The following ZFAT variants were observed in gnomAD, a reference collection of about 807,000 sequenced individuals.
ZFAT encodes zinc finger and AT-hook domain containing, also known as zinc finger protein ZFAT.
Under a neutral mutation model 117.7 loss-of-function variants are expected in ZFAT, and 64 were observed. That is an observed-to-expected ratio of 0.54 (90% CI 0.44 to 0.67). The LOEUF is 0.67. Ranked by LOEUF, ZFAT falls within the 30% of genes least tolerant of loss-of-function variation. The probability of loss-of-function intolerance (pLI) is 0.00; values close to 1 mark genes in which losing one functional copy is unlikely to be tolerated. For missense variants in ZFAT, 1,433 were observed against 1,584.5 expected (o/e 0.90, Z 1.62); for synonymous variants, 679 against 615.0 (o/e 1.10, Z -1.54).
intron 3 of ZFAT, among the ~76,000 whole-genome samples, chr8:134,611,128 G>C (rs1407047716): frequency 2.0e-5 from 3 of 152,240 alleles, no homozygotes. Flanking sequence ...CGTGCAGGGG[G>C]AGAGGCAGAC....
At chr8:134,712,590 C>T (rs1489511094) in intron 1 of ZFAT, among the ~76,000 whole-genome samples, 2 of 150,316 alleles carry the variant, frequency 1.3e-5, no homozygotes, top group Admixed American at 6.6e-5. Context: ...TGGAAACGGC[C>T]GGGCGCATGC....
chr8:134,629,741 G>C (rs1004706301), intron 3 of ZFAT, among the ~76,000 whole-genome samples: 2 of 152,190 alleles, frequency 1.3e-5, no homozygotes, highest in East Asian at 3.8e-4. Context: ...AGGCCTCCCA[G>C]TCATGCTTCC....
chr8:134,512,597 G>C lies in ZFAT; in HGVS notation c.3239C>G (p.Ala1080Gly), dbSNP rs762653872. 1.9e-6 allele frequency: 3 copies of C among 1,612,790 alleles called. No individual in the cohort carries two copies. Among genetic ancestry groups the C allele is most frequent in the Admixed American group, 1.7e-5 (1 of 59,726 alleles). ...GGAGGGCTCCTCAGGAGCTTCTGTT[G>C]CTGTCTAAATAAAAACATAGTACCT... ...EIDGDPKWET[A>G]TEAPEEPSTQ... is the part of the protein sequence containing the mutation. The change falls in exon 14 of 16, where the codon GCA becomes GGA. Residue 1080 changes from alanine (A) to glycine (G), a missense_variant. Ala to Gly is a moderately conservative substitution (Grantham distance 60). This residue lies in a region of ZFAT where 503 missense variants were observed against 543.4 expected (regional missense o/e 0.93). Coordinates refer to ENST00000377838, the MANE Select transcript of ZFAT (RefSeq NM_020863.4).
At chr8:134,500,092 G>A (rs74366122) in intron 15 of ZFAT, among the ~76,000 whole-genome samples, 1,601 of 152,308 alleles carry the variant, frequency 0.011, 13 homozygotes, top group Middle Eastern at 0.02. Context: ...CCTCACTCCC[G>A]TCAGGGCTAT....
At chr8:134,803,963 T>TA in the ZFAT span, among the ~76,000 whole-genome samples, 1 of 152,192 alleles carries the variant, frequency 6.6e-6, no homozygotes, top group South Asian at 2.1e-4. Flanking sequence ...ATAAATGATT[T>TA]AAAAAAACCA....
chr8:134,777,970 C>G, the ZFAT span, among the ~76,000 whole-genome samples: 1 of 152,076 alleles, frequency 6.6e-6, no homozygotes, highest in African/African-American at 2.4e-5. Context: ...TTCCAAGGAG[C>G]TATTTCACTG....
chr8:134,667,158 G>A lies in ZFAT; in HGVS notation c.20-9421C>T, dbSNP rs996378041. ...AGGGGCTGGGAGGAAAGGGAAAGGA[G>A]AGCATTAGGACAAAAAGGTAATGCA... On this transcript the variant is annotated intron_variant, in intron 1 of 15. Coordinates refer to ENST00000377838, the MANE Select transcript of ZFAT (RefSeq NM_020863.4). Among the ~76,000 whole-genome samples, 3 of 152,262 alleles carry A rather than the reference G, an allele frequency of 2.0e-5. No individual in the cohort carries two copies. In the East Asian group the frequency reaches 5.8e-4, roughly 29 times the overall value.
chr8:134,819,073 A>C, the ZFAT span, among the ~76,000 whole-genome samples: 2 of 152,240 alleles, frequency 1.3e-5, no homozygotes, highest in African/African-American at 4.8e-5. Flanking sequence ...ATATGTCAAT[A>C]AAATTGTTTC....
intron 2 of ZFAT, among the ~76,000 whole-genome samples, 164 bp downstream of exon 2, chr8:134,657,397 G>A (rs904457849): frequency 1.3e-4 from 20 of 152,166 alleles, no homozygotes; most frequent in Admixed American, 1.3e-3. Context: ...CTAGGTATGG[G>A]ATTTCAAAGG....
At chr8:134,795,584 T>C in the ZFAT span, 2 of 152,106 alleles carry the variant, frequency 1.3e-5, no homozygotes, top group African/African-American at 4.8e-5. Context: ...GAGCTGTAAA[T>C]AAATGGGCCG....
At chr8:134,832,181 G>T in the ZFAT span, among the ~76,000 whole-genome samples, 3 of 151,100 alleles carry the variant, frequency 2.0e-5, no homozygotes, top group African/African-American at 7.3e-5. Context: ...GGGATCGGCG[G>T]CGTCCGCACT....
intron 1 of ZFAT, chr8:134,696,433 C>A: frequency 1.0e-6 from 1 of 985,644 alleles, no homozygotes; most frequent in Non-Finnish European, 1.2e-6. Flanking sequence ...AGAATTACCT[C>A]GTAAACCTCC....
At chr8:134,618,062 C>T (rs964691101) in intron 3 of ZFAT, among the ~76,000 whole-genome samples, 1 of 152,108 alleles carries the variant, frequency 6.6e-6, no homozygotes, top group Non-Finnish European at 1.5e-5. Flanking sequence ...GTAAGAAGTG[C>T]CTTTCACCTC....
chr8:134,512,378 G>A (rs1425141764), intron 14 of ZFAT, 97 bp downstream of exon 14: 1 of 1,519,678 alleles, frequency 6.6e-7, no homozygotes, highest in African/African-American at 1.4e-5. Context: ...TTCGGAAGTA[G>A]ATCACCTGAT....
the ZFAT span, among the ~76,000 whole-genome samples, chr8:134,751,649 A>C: frequency 1.3e-5 from 2 of 152,184 alleles, no homozygotes; most frequent in African/African-American, 2.4e-5. Flanking sequence ...GTAGGGCTGT[A>C]CCTGCAAAGA....
the ZFAT span, among the ~76,000 whole-genome samples, chr8:134,754,794 G>A: frequency 6.6e-6 from 1 of 152,164 alleles, no homozygotes; most frequent in Non-Finnish European, 1.5e-5. Context: ...GCTGGGTCAG[G>A]AAGGATGTGG....
At chr8:134,762,588 T>C in the ZFAT span, among the ~76,000 whole-genome samples, 1 of 152,246 alleles carries the variant, frequency 6.6e-6, no homozygotes, top group Non-Finnish European at 1.5e-5. Context: ...TTCTGACTTC[T>C]AAATGTTGAA....
Position 134,602,104 on chromosome 8 carries a change from C to G in ZFAT, c.1615G>C (p.Asp539His). ...NALKEEACPG[D>H]TQLEEGRKEP... ...TTCCGGCCCTCCTCCAGCTGAGTGT[C>G]CCCAGGACAGGCCTCTTCCTTGAGT... Residue 539 changes from aspartate (D) to histidine (H), a missense_variant, in exon 6 of 16, where the codon GAC becomes CAC. By Grantham distance (81) the Asp-to-His change is moderately conservative. Transcript: ENST00000377838. The G allele has an allele frequency of 6.2e-7, 1 of 1,612,126 alleles. No individual in the cohort carries two copies. Among genetic ancestry groups the G allele is most frequent in the African/African-American group, 1.3e-5 (1 of 75,036 alleles).
At chr8:134,507,679 C>A (rs1819515591) in intron 15 of ZFAT, among the ~76,000 whole-genome samples, 5 of 152,160 alleles carry the variant, frequency 3.3e-5, no homozygotes, top group Admixed American at 3.3e-4. Flanking sequence ...AAGCTATAAC[C>A]CAACCCCTGT....
Sources: allele counts gnomAD v4.1 joint callset (sites outside exome capture counted in the v4.1 genomes callset), GRCh38; gene constraint gnomAD v4.1.1; regional missense constraint gnomAD v4.1.1; transcripts MANE v1.5; gene names NCBI Gene and HGNC (gene_info 2026-07-23, HGNC 2026-07-21).